SDK1: variants seen among roughly 807,000 people sequenced by gnomAD.
SDK1 encodes protein sidekick-1.
SDK1 carries 157 observed loss-of-function variants against 245.5 expected under a neutral mutation model. The observed-to-expected ratio is 0.64, with a 90% CI of 0.56 to 0.73. SDK1 has a LOEUF of 0.73. Ranked by LOEUF, SDK1 falls within the 30% of genes least tolerant of loss-of-function variation. SDK1 has a pLI of 0.00. For synonymous variants in SDK1, 1,647 were observed against 1,278.5 expected (o/e 1.29, Z -6.15); for missense variants, 3,583 against 3,002.3 (o/e 1.19, Z -4.52).
chr7:3,822,576 C>G (rs946215543), intron 5 of SDK1, among the ~76,000 whole-genome samples: 7 of 151,936 alleles, frequency 4.6e-5, no homozygotes, highest in African/African-American at 1.7e-4. Context: ...TCGAGACCAG[C>G]CTGGTCAACA....
intron 5 of SDK1, among the ~76,000 whole-genome samples, chr7:3,907,117 T>C (rs1778979333): frequency 6.6e-6 from 1 of 152,094 alleles, no homozygotes; most frequent in African/African-American, 2.4e-5. Flanking sequence ...TATTCTCTCT[T>C]TTTTTATTAT....
At chr7:3,498,005 C>T (rs1317483764) in intron 1 of SDK1, among the ~76,000 whole-genome samples, 5 of 152,214 alleles carry the variant, frequency 3.3e-5, no homozygotes, top group Non-Finnish European at 7.3e-5. Flanking sequence ...ACAGTTCAGC[C>T]ATCTGGCTTG....
intron 1 of SDK1, among the ~76,000 whole-genome samples, chr7:3,372,374 A>G (rs980547402): frequency 6.6e-6 from 1 of 152,216 alleles, no homozygotes; most frequent in African/African-American, 2.4e-5. Flanking sequence ...AAAATTAAAA[A>G]TCCAGGGCTA....
In SDK1 at chr7:3,676,725, C is replaced by T. The variant is rs76070835; in HGVS notation, c.713+34620C>T. Among the ~76,000 whole-genome samples, 26 of 152,292 alleles carry T rather than the reference C, an allele frequency of 1.7e-4. No individual in the cohort carries two copies. The East Asian group carries it at 2.3e-3, about 14-fold the overall frequency. ...TGATAGAAAGGAGTTCAATTTTATT[C>T]TTCTGCATATGGATATCCCATTATC... On this transcript the variant is annotated intron_variant, in intron 4 of 44. Transcript: ENST00000404826.
At chr7:3,716,406 GA>G (rs941362840) in intron 4 of SDK1, among the ~76,000 whole-genome samples, 1 of 152,094 alleles carries the variant, frequency 6.6e-6, no homozygotes, top group Non-Finnish European at 1.5e-5. Context: ...TTAGAACTCT[GA>G]AAAAAATCTG....
intron 1 of SDK1, among the ~76,000 whole-genome samples, chr7:3,508,055 G>C (rs530464907): frequency 1.3e-5 from 2 of 152,184 alleles, no homozygotes; most frequent in African/African-American, 4.8e-5. Flanking sequence ...CCCTTTGTCT[G>C]TCTGGCTTCT....
rs549500685 is a variant in SDK1 at position 4,017,298 on chromosome 7, G to A, written c.2548G>A (p.Gly850Arg). The A allele has an allele frequency of 9.3e-6, 15 of 1,613,946 alleles. No homozygotes were observed. Among genetic ancestry groups the A allele is most frequent in the East Asian group, 2.2e-5 (1 of 44,876 alleles). Residue 850 changes from glycine (G) to arginine (R), a missense_variant, in exon 17 of 45, where the codon GGG (glycine) becomes AGG (arginine). Gly to Arg is a moderately radical substitution (Grantham distance 125). Transcript: ENST00000404826. Reference protein sequence around the residue: ...QYEIQVAAYNGAGLGVFSRAV... With the variant: ...QYEIQVAAYNRAGLGVFSRAV... ...TGAGATACAGGTGGCGGCGTACAAC[G>A]GGGCCGGTCTGGGCGTCTTCAGCAG...
At chr7:3,479,014 T>C (rs1781429404) in intron 1 of SDK1, among the ~76,000 whole-genome samples, 1 of 152,246 alleles carries the variant, frequency 6.6e-6, no homozygotes, top group Non-Finnish European at 1.5e-5. Context: ...GATTGCATTG[T>C]GCTTAGAGGA....
Position 4,266,577 on chromosome 7 carries a change from T to G in SDK1, c.*1193T>G. 1 of 985,258 alleles carries G rather than the reference T, an allele frequency of 1.0e-6. No individual in the cohort carries two copies. The highest frequency in any genetic ancestry group is 1.2e-6 in the Non-Finnish European group (1 of 829,780). The allele number at this position is 985,258 out of a possible 1,614,324, so 61.0% of individuals were successfully genotyped here. A position where few individuals can be genotyped will look rare whatever the true frequency, so the allele number is the denominator to read the frequency against. On this transcript the variant is annotated 3_prime_UTR_variant, in exon 45 of 45. Transcript: ENST00000404826. The stretch of plus-strand genomic sequence containing the variant: ...ACAGGTTTTTTGGAAATGTTTCTTT[T>G]TTTTATTTAAAATTGTCATTGTTTG...
intron 4 of SDK1, among the ~76,000 whole-genome samples, chr7:3,808,397 A>G (rs1215187715): frequency 6.6e-6 from 1 of 152,178 alleles, no homozygotes; most frequent in Non-Finnish European, 1.5e-5. Flanking sequence ...CTACACAGAA[A>G]AATCTCAGAA....
chr7:3,347,110 C>A (rs1305284063), intron 1 of SDK1, among the ~76,000 whole-genome samples: 1 of 151,636 alleles, frequency 6.6e-6, no homozygotes, highest in South Asian at 2.1e-4. Flanking sequence ...TTGCCCATGC[C>A]ATTCCCTCTG....
At chr7:3,386,074 T>C (rs1208317714) in intron 1 of SDK1, among the ~76,000 whole-genome samples, 1 of 152,166 alleles carries the variant, frequency 6.6e-6, no homozygotes, top group African/African-American at 2.4e-5. Flanking sequence ...ATGTTTCTCT[T>C]GACAGGATTG....
intron 17 of SDK1, among the ~76,000 whole-genome samples, chr7:4,039,252 T>C (rs558671387): frequency 1.3e-5 from 2 of 151,904 alleles, no homozygotes; most frequent in Non-Finnish European, 2.9e-5. Flanking sequence ...TGTATACATA[T>C]GTAACTAACC....
intron 5 of SDK1, among the ~76,000 whole-genome samples, chr7:3,893,197 A>G (rs1480312955): frequency 6.6e-6 from 1 of 152,174 alleles, no homozygotes; most frequent in Non-Finnish European, 1.5e-5. Flanking sequence ...GTGTTGAGTC[A>G]AAATCTGATC....
chr7:4,032,777 G>A (rs1458663521), intron 17 of SDK1, among the ~76,000 whole-genome samples: 1 of 152,114 alleles, frequency 6.6e-6, no homozygotes, highest in African/African-American at 2.4e-5. Context: ...TTAAGAAATA[G>A]CAAACACATA....
intron 5 of SDK1, among the ~76,000 whole-genome samples, chr7:3,935,273 T>G (rs1780116012): frequency 6.6e-6 from 1 of 152,108 alleles, no homozygotes; most frequent in South Asian, 2.1e-4. Flanking sequence ...GCAAAATGGG[T>G]CAAAAACCTA....
In SDK1 at chr7:4,121,111, C is replaced by A. The variant is rs184195797; in HGVS notation, c.3824-6270C>A. Among the ~76,000 whole-genome samples, 4 of 151,862 alleles carry A rather than the reference C, an allele frequency of 2.6e-5. 1 individual carries two copies. The highest frequency in any genetic ancestry group is 6.6e-5 in the Admixed American group (1 of 15,260). On this transcript the variant is annotated intron_variant, in intron 25 of 44. Transcript: ENST00000404826. The stretch of plus-strand genomic sequence containing the variant: ...TCTTCTGACTTTGTTTTTTTTCAGA[C>A]AATCTTGTATCATCTTTTACACAAG...
intron 44 of SDK1, among the ~76,000 whole-genome samples, chr7:4,248,511 CAT>C (rs1227766666): frequency 2.0e-5 from 3 of 151,994 alleles, no homozygotes; most frequent in South Asian, 2.1e-4. Context: ...CCTAAATACA[CAT>C]ATGCACACAT....
At chr7:3,708,066 A>G (rs1784942528) in intron 4 of SDK1, among the ~76,000 whole-genome samples, 1 of 152,184 alleles carries the variant, frequency 6.6e-6, no homozygotes, top group Non-Finnish European at 1.5e-5. Context: ...GATGCTGCTC[A>G]GCTTCTGGGG....
Sources: gnomAD v4.1 joint callset for allele counts (sites outside exome capture counted in the v4.1 genomes callset) on GRCh38, gnomAD v4.1.1 for gene constraint, MANE v1.5 for transcripts, NCBI Gene and HGNC (gene_info 2026-07-23, HGNC 2026-07-21) for gene names.